Variants in TNXB observed in about 807,000 individuals in gnomAD.
TNXB encodes tenascin XB.
Under a neutral mutation model 340.5 loss-of-function variants are expected in TNXB, and 183 were observed. That is an observed-to-expected ratio of 0.54 (90% CI 0.48 to 0.61). The LOEUF (loss-of-function observed/expected upper bound fraction) is 0.61. Among genes scored for constraint, TNXB ranks in the 20% least tolerant of loss-of-function variants. The pLI is 0.00. For synonymous variants in TNXB, 2,121 were observed against 2,314.5 expected (o/e 0.92, Z 2.40); for missense variants, 4,613 against 5,446.4 (o/e 0.85, Z 4.82).
chr6:32,041,506 C>A, intron 43 of TNXB, 56 bp from the exon 44 acceptor site: 4 of 1,240,324 alleles, frequency 3.2e-6, no homozygotes, highest in Non-Finnish European at 4.6e-6. Context: ...CTGCTCTTCC[C>A]GTTCCCCTTA....
intron 1 of TNXB, among the ~76,000 whole-genome samples, chr6:32,105,164 C>T (rs1222779446): frequency 6.6e-6 from 1 of 152,156 alleles, no homozygotes; most frequent in Non-Finnish European, 1.5e-5. Flanking sequence ...CTCTCTGTGC[C>T]CATCCCCAAC....
rs1181686204 is a variant in TNXB, at chr6:32,074,356, GTT to G, written c.4376-406_4376-405del. 1.3e-5 allele frequency among the ~76,000 whole-genome samples: 2 copies of G among 152,202 alleles called. No individual in the cohort carries two copies. Among genetic ancestry groups the G allele is most frequent in the Admixed American group, 6.5e-5 (1 of 15,276 alleles). On this transcript the variant is annotated intron_variant, in intron 11 of 43. Coordinates refer to ENST00000644971, the MANE Select transcript of TNXB (RefSeq NM_001365276.2). The surrounding 1 kb of genome is among the most constrained non-coding windows in gnomAD (Gnocchi z 5.5). ...TTGCATTTGTGGAACCCGCATGATGGTTTTGATGTAAAAGCGCATTGATCTGA... is the reference window on the plus strand; with the variant it reads ...TTGCATTTGTGGAACCCGCATGATGGTTGATGTAAAAGCGCATTGATCTGA...
Position 32,061,785 on chromosome 6 carries a change from A to G in TNXB, c.7169-65T>C. ...GGGGATGTGCTTACGTCGTGGGGAAAAGGAGGGAGAAGGCTATGACTAGGG... is the reference window on the plus strand; with the variant it reads ...GGGGATGTGCTTACGTCGTGGGGAAGAGGAGGGAGAAGGCTATGACTAGGG... On this transcript the variant is annotated intron_variant, in intron 20 of 43. Coordinates refer to ENST00000644971, the MANE Select transcript of TNXB (RefSeq NM_001365276.2). This position sits in a 1 kb window ranked among gnomAD's most constrained non-coding sequence, Gnocchi z 4.4. 1 of 1,563,432 alleles carries G rather than the reference A, an allele frequency of 6.4e-7. No homozygotes were observed. The highest frequency in any genetic ancestry group is 8.7e-7 in the Non-Finnish European group (1 of 1,150,416).
Position 32,095,143 on chromosome 6 carries a change from G to C in TNXB, c.2291C>G (p.Thr764Arg). 6.5e-7 allele frequency: 1 copy of C among 1,550,140 alleles called. No individual in the cohort carries two copies. Among genetic ancestry groups the C allele is most frequent in the Non-Finnish European group, 8.7e-7 (1 of 1,146,376 alleles). ...GMRMHLLEET[T>R]VRTEWTPAPG... ...AGCCGGGGTCCACTCTGTCCGAACTGTTGTCTCCTCCAAGAGATGCATCCT... is the reference window on the plus strand; with the variant it reads ...AGCCGGGGTCCACTCTGTCCGAACTCTTGTCTCCTCCAAGAGATGCATCCT... The change falls in exon 4 of 44, where the codon ACA (threonine) becomes AGA (arginine). Residue 764 changes from threonine to arginine, a missense_variant. This residue lies in a region of TNXB where 4,327 missense variants were observed against 4,859.4 expected (regional missense o/e 0.89). Coordinates refer to ENST00000644971, the MANE Select transcript of TNXB (RefSeq NM_001365276.2).
rs204883 is a variant in TNXB, at chr6:32,064,966, G to A, written c.6696C>T (p.Asp2232=). The A allele has an allele frequency of 0.4, 647,290 of 1,612,086 alleles. 133,933 individuals are homozygous for A. The highest frequency in any genetic ancestry group is 0.52 in the Admixed American group (31,196 of 59,900). The part of the protein sequence containing the change: ...DHFLVQFKNG[D]GQPKAVRVPG... Reference sequence around the variant, plus strand: ...GCACCCGCACCGCCTTGGGCTGCCCGTCCCCATTCTTAAACTGGACCAAGA... The same window carrying A: ...GCACCCGCACCGCCTTGGGCTGCCCATCCCCATTCTTAAACTGGACCAAGA... Residue 2232 remains aspartate, a synonymous_variant, in exon 19 of 44, where the codon GAC becomes GAT. Coordinates refer to ENST00000644971, the MANE Select transcript of TNXB (RefSeq NM_001365276.2). The surrounding 1 kb of genome is among the most constrained non-coding windows in gnomAD (Gnocchi z 5.3).
In TNXB at chr6:32,068,011, G is replaced by A. The variant is rs1778498963; in HGVS notation, c.6221-27C>T. On this transcript the variant is annotated intron_variant, in intron 17 of 43. Coordinates refer to ENST00000644971, the MANE Select transcript of TNXB (RefSeq NM_001365276.2). The surrounding 1 kb of genome is among the most constrained non-coding windows in gnomAD (Gnocchi z 5.3). ...TGAGAAGGAGGAAGAGAGAGTGAGG[G>A]GGATGTCCTTGGGTACTGGGGAAAA... 6.2e-7 allele frequency: 1 copy of A among 1,603,402 alleles called. No individual in the cohort carries two copies. Among genetic ancestry groups the A allele is most frequent in the Admixed American group, 1.7e-5 (1 of 59,618 alleles).
chr6:32,100,951 G>T (rs1437879630), intron 1 of TNXB, among the ~76,000 whole-genome samples: 1 of 149,818 alleles, frequency 6.7e-6, no homozygotes, highest in Non-Finnish European at 1.5e-5. Flanking sequence ...GTGGTAGCGG[G>T]CACCTGTAGT....
Position 32,096,818 on chromosome 6 carries a change from G to A in TNXB, c.1035C>T (p.Asp345=). Residue 345 remains aspartate, a synonymous_variant, in exon 3 of 44, where the codon GAC becomes GAT. Transcript: ENST00000644971. ...CCACGCAGCGCCCGCCCTCGCCACAGTCCCAGGGGCAGCTCCGCGTACCAC... is the reference window on the plus strand; with the variant it reads ...CCACGCAGCGCCCGCCCTCGCCACAATCCCAGGGGCAGCTCCGCGTACCAC... ...EDCGTRSCPW[D]CGEGGRCVDG... is the part of the protein sequence containing the mutation. 1 of 1,597,916 alleles carries A rather than the reference G, an allele frequency of 6.3e-7. No individual in the cohort carries two copies. The highest frequency in any genetic ancestry group is 8.5e-7 in the Non-Finnish European group (1 of 1,173,420).
At position 32,096,782 on chromosome 6, in the gene TNXB, G is replaced by A. The variant is rs1265647269; in HGVS notation, c.1071C>T (p.Cys357=). ...GEGGRCVDGR[C]VCWPGYTGED... ...CGCCTGTGTACCCGGGCCAGCACACGCAGCGGCCGTCCACGCAGCGCCCGC... is the reference window on the plus strand; with the variant it reads ...CGCCTGTGTACCCGGGCCAGCACACACAGCGGCCGTCCACGCAGCGCCCGC... Residue 357 remains cysteine (C), a synonymous_variant, in exon 3 of 44, where the codon TGC becomes TGT. Transcript: ENST00000644971. 3 of 1,571,534 alleles carry A rather than the reference G, an allele frequency of 1.9e-6. No individual in the cohort carries two copies. The highest frequency in any genetic ancestry group is 2.6e-6 in the Non-Finnish European group (3 of 1,160,068).
Position 32,068,981 on chromosome 6 carries a change from A to G in TNXB, c.5743T>C (p.Tyr1915His), listed in dbSNP as rs1562828425. Reference protein sequence around the residue: ...EGEFDSFEIQYTDRDGQLQMV... With the variant: ...EGEFDSFEIQHTDRDGQLQMV... ...TGGAGTTGCCCGTCTCTATCTGTGT[A>G]CTGGATTTCGAAGGAGTCAAATTCT... is the stretch of plus-strand genomic sequence containing the variant. The change falls in exon 16 of 44, where the codon TAC (tyrosine) becomes CAC (histidine). Residue 1915 changes from tyrosine (Y) to histidine (H), a missense_variant. Physicochemically the swap from Tyr to His is moderately conservative, Grantham distance 83. Around this residue, in one of 7 missense-constraint regions of TNXB, gnomAD observed 4,327 missense variants for 4,859.4 expected, o/e 0.89. Transcript: ENST00000644971. This position sits in a 1 kb window ranked among gnomAD's most constrained non-coding sequence, Gnocchi z 5.3. 1 of 1,612,836 alleles carries G rather than the reference A, an allele frequency of 6.2e-7. No individual in the cohort carries two copies. The highest frequency in any genetic ancestry group is 2.2e-5 in the East Asian group (1 of 44,878).
chr6:32,088,292 T>TC (rs935998047), intron 6 of TNXB, among the ~76,000 whole-genome samples: 6 of 151,836 alleles, frequency 4.0e-5, no homozygotes, highest in African/African-American at 1.2e-4. Flanking sequence ...GAGGTGGGTG[T>TC]CCCCCTGTCA....
At position 32,043,866 on chromosome 6, in the gene TNXB, C is replaced by A; in HGVS notation, c.11413G>T (p.Gly3805Cys). The change falls in exon 35 of 44, where the codon GGC (glycine) becomes TGC (cysteine). Residue 3805 changes from glycine to cysteine, a missense_variant. By Grantham distance (159) the Gly-to-Cys change is radical. This residue lies in a region of TNXB where 114 missense variants were observed against 104.5 expected (regional missense o/e 1.09). Transcript: ENST00000644971. ...TGGAGTTTCTGGGTCCGGGCCTGGC[C>A]ATCCACCTGCACACTCTGAGGCTCC... is the stretch of plus-strand genomic sequence containing the variant. The part of the protein sequence containing the change: ...GGEPQSVQVD[G>C]QARTQKLQGL... 1 of 1,613,778 alleles carries A rather than the reference C, an allele frequency of 6.2e-7. No homozygotes were observed. The highest frequency in any genetic ancestry group is 8.5e-7 in the Non-Finnish European group (1 of 1,179,996).
In TNXB at chr6:32,069,406, G is replaced by A; in HGVS notation, c.5587+147C>T. 2.9e-6 allele frequency: 3 copies of A among 1,023,990 alleles called. No homozygotes were observed. The highest frequency in any genetic ancestry group is 1.9e-5 in the South Asian group (1 of 53,770). The allele number at this position is 1,023,990 out of a possible 1,614,324, so 63.4% of individuals were successfully genotyped here. A position where few individuals can be genotyped will look rare whatever the true frequency, so the allele number is the denominator to read the frequency against. ...CAGTGGTTGCTGGAGGCTGGGACTGGGGCAACTGACTCTAAAGGGGCACAA... is the reference window on the plus strand; with the variant it reads ...CAGTGGTTGCTGGAGGCTGGGACTGAGGCAACTGACTCTAAAGGGGCACAA... On this transcript the variant is annotated intron_variant, in intron 15 of 43. Transcript: ENST00000644971. The surrounding 1 kb of genome is among the most constrained non-coding windows in gnomAD (Gnocchi z 6.2).
intron 4 of TNXB, 46 bp downstream of exon 4, chr6:32,095,028 CCT>C (rs1338370317): frequency 9.5e-6 from 14 of 1,475,208 alleles, no homozygotes; most frequent in Admixed American, 2.0e-5. Flanking sequence ...GCCCTGCCCC[CCT>C]GTCCTGCCCA....
In TNXB at chr6:32,075,169, T is replaced by C. The variant is rs1436970529; in HGVS notation, c.4376-1217A>G. On this transcript the variant is annotated intron_variant, in intron 11 of 43. Coordinates refer to ENST00000644971, the MANE Select transcript of TNXB (RefSeq NM_001365276.2). This position sits in a 1 kb window ranked among gnomAD's most constrained non-coding sequence, Gnocchi z 4.6. Reference sequence around the variant, plus strand: ...ATTATCACAACATTCTCTCAGGTCATCGCCTTCTGCCCTCACCCCCCTTTA... The same window carrying C: ...ATTATCACAACATTCTCTCAGGTCACCGCCTTCTGCCCTCACCCCCCTTTA... Among the ~76,000 whole-genome samples the C allele has an allele frequency of 6.6e-6, 1 of 152,198 alleles. No homozygotes were observed. Among genetic ancestry groups the C allele is most frequent in the Non-Finnish European group, 1.5e-5 (1 of 68,032 alleles).
chr6:32,062,462 A>G lies in TNXB; in HGVS notation c.6863T>C (p.Met2288Thr), dbSNP rs1281737711. 3 of 1,606,594 alleles carry G rather than the reference A, an allele frequency of 1.9e-6. No individual in the cohort carries two copies. Among genetic ancestry groups the G allele is most frequent in the Non-Finnish European group, 2.6e-6 (3 of 1,175,440 alleles). ...GGGAGGTTCTGTCGAGGCTGGGGCC[A>G]TTTCTTCATCCTTTCCTGGGGCTGC... ...GLTAPGKDEE[M>T]APASTEPPTP... is the part of the protein sequence containing the mutation. Residue 2288 changes from methionine (M) to threonine (T), a missense_variant, in exon 20 of 44, where the codon ATG (methionine) becomes ACG (threonine). Physicochemically the swap from Met to Thr is moderately conservative, Grantham distance 81. Transcript: ENST00000644971. This position sits in a 1 kb window ranked among gnomAD's most constrained non-coding sequence, Gnocchi z 4.3.
rs770694688 is a variant in TNXB, at chr6:32,058,140, C to T, written c.7743G>A (p.Glu2581=). 1.2e-6 allele frequency: 2 copies of T among 1,612,778 alleles called. No individual in the cohort carries two copies. The highest frequency in any genetic ancestry group is 8.5e-7 in the Non-Finnish European group (1 of 1,179,852). Residue 2581 remains glutamate, a synonymous_variant, in exon 22 of 44, where the codon GAG becomes GAA. Coordinates refer to ENST00000644971, the MANE Select transcript of TNXB (RefSeq NM_001365276.2). This position sits in a 1 kb window ranked among gnomAD's most constrained non-coding sequence, Gnocchi z 5.1. ...QESKVTVRGL[E]PGRKYKMHLY... ...GGTGCATCTTGTACTTGCGCCCAGGCTCCAGGCCCCTCACAGTGACCTTGC... is the reference window on the plus strand; with the variant it reads ...GGTGCATCTTGTACTTGCGCCCAGGTTCCAGGCCCCTCACAGTGACCTTGC...
In TNXB at chr6:32,042,416, T is replaced by G. The variant is rs772823195; in HGVS notation, c.12210+39A>C. ...CTCTGGCTCCCGGGGCAACAGACCC[T>G]GCCCTGCACAGACCCCTGGGCTTCC... is the stretch of plus-strand genomic sequence containing the variant. On this transcript the variant is annotated intron_variant, in intron 40 of 43. Coordinates refer to ENST00000644971, the MANE Select transcript of TNXB (RefSeq NM_001365276.2). 336 of 1,595,066 alleles carry G rather than the reference T, an allele frequency of 2.1e-4. 21 individuals carry two copies. Among genetic ancestry groups the G allele is most frequent in the Non-Finnish European group, 9.4e-6 (11 of 1,170,592 alleles).
chr6:32,093,003 C>G (rs1780149053), intron 4 of TNXB, among the ~76,000 whole-genome samples: 1 of 152,248 alleles, frequency 6.6e-6, no homozygotes, highest in Admixed American at 6.5e-5. Flanking sequence ...TCTAGGGCTT[C>G]AACTGGAAAG....
Sources: gnomAD v4.1 joint callset for allele counts (sites outside exome capture counted in the v4.1 genomes callset) on GRCh38, gnomAD v4.1.1 for gene constraint, gnomAD v4.1.1 regional missense constraint, Gnocchi (gnomAD v3.1) non-coding constraint, MANE v1.5 for transcripts, NCBI Gene and HGNC (gene_info 2026-07-23, HGNC 2026-07-21) for gene names.